Variants in ROBO2 observed in about 807,000 individuals in gnomAD.
ROBO2 encodes roundabout homolog 2.
A neutral mutation model predicts 160.8 loss-of-function variants in ROBO2; 53 were observed. The observed-to-expected ratio is 0.33, with a 90% CI of 0.26 to 0.41. ROBO2 has a LOEUF of 0.41. ROBO2 is among the 10% of genes least tolerant of loss of function. The pLI, the probability that ROBO2 is intolerant of heterozygous loss-of-function variation, is 1.00. For missense variants in ROBO2, 1,577 were observed against 1,722.4 expected, an observed-to-expected ratio of 0.92 and a Z score of 1.49; for synonymous variants, 664 against 611.7, an observed-to-expected ratio of 1.09 and a Z score of -1.26.
At chr3:76,478,025 A>ATTATTATTATTATTCTTC (rs1486257140) in intron 2 of ROBO2, among the ~76,000 whole-genome samples, 8 of 150,780 alleles carry the variant, frequency 5.3e-5, no homozygotes, top group African/African-American at 2.0e-4. Context: ...CTTCTTTATT[A>ATTATTATTATTATTCTTC]TTATTATTAT....
At chr3:77,423,515 T>A (rs572999279) in intron 2 of ROBO2, among the ~76,000 whole-genome samples, 2 of 152,348 alleles carry the variant, frequency 1.3e-5, no homozygotes, top group East Asian at 3.9e-4. Context: ...AATTGTATTA[T>A]AATTTTACAT....
intron 2 of ROBO2, among the ~76,000 whole-genome samples, chr3:76,893,209 C>CACACAT (rs904192743): frequency 2.4e-4 from 36 of 151,980 alleles, no homozygotes; most frequent in African/African-American, 6.5e-4. Context: ...CAGACACACA[C>CACACAT]ACACATACAC....
At chr3:77,093,166 A>G (rs938955825) in intron 1 of ROBO2, among the ~76,000 whole-genome samples, 4 of 152,172 alleles carry the variant, frequency 2.6e-5, no homozygotes, top group African/African-American at 9.7e-5. Context: ...TACCTGATGA[A>G]GAGAGGGGAA....
chr3:77,183,530 A>G (rs2080995557), intron 2 of ROBO2, among the ~76,000 whole-genome samples: 2 of 152,050 alleles, frequency 1.3e-5, no homozygotes. Context: ...GTAAGGTCAT[A>G]GGAATAAGAT....
At chr3:76,710,848 C>G (rs2093278351) in intron 2 of ROBO2, among the ~76,000 whole-genome samples, 1 of 152,128 alleles carries the variant, frequency 6.6e-6, no homozygotes, top group African/African-American at 2.4e-5. Flanking sequence ...CATCCTCAGA[C>G]AGGATGATGC....
At chr3:76,387,428 A>T (rs1299829622) in intron 2 of ROBO2, among the ~76,000 whole-genome samples, 1 of 151,944 alleles carries the variant, frequency 6.6e-6, no homozygotes, top group Non-Finnish European at 1.5e-5. Context: ...TATTAATAGA[A>T]ACTAGTATTT....
intron 2 of ROBO2, among the ~76,000 whole-genome samples, chr3:77,013,389 A>T (rs987579997): frequency 1.3e-5 from 2 of 152,146 alleles, no homozygotes; most frequent in Non-Finnish European, 2.9e-5. Context: ...TACAAAGAAG[A>T]ATGTGGTTGT....
Position 77,264,018 on chromosome 3 carries a change from C to T in ROBO2, c.388+165678C>T, listed in dbSNP as rs572764772. On this transcript the variant is annotated intron_variant, in intron 2 of 25. Coordinates refer to ENST00000461745, the Ensembl canonical transcript of ROBO2. ...GAAACTCAATAAAGGTTAGCTATCA[C>T]CTTCATCATCACATTCATCATATTC... is the stretch of plus-strand genomic sequence containing the variant. Among the ~76,000 whole-genome samples, 189 of 147,866 alleles carry T rather than the reference C, an allele frequency of 1.3e-3. 2 individuals carry two copies. In the Middle Eastern group the frequency reaches 0.018, roughly 14 times the overall value.
intron 2 of ROBO2, among the ~76,000 whole-genome samples, chr3:76,075,016 G>A (rs566680159): frequency 2.8e-4 from 43 of 152,092 alleles, no homozygotes; most frequent in Non-Finnish European, 4.9e-4. Context: ...GAATGAATAC[G>A]AACAGAAATG....
At chr3:76,476,747 C>T (rs1168118565) in intron 2 of ROBO2, among the ~76,000 whole-genome samples, 41 of 151,992 alleles carry the variant, frequency 2.7e-4, no homozygotes, top group Non-Finnish European at 8.8e-5. Context: ...AAATAAACTT[C>T]GGAAATGACC....
chr3:76,498,572 A>T (rs1383368331), intron 2 of ROBO2, among the ~76,000 whole-genome samples: 1 of 151,676 alleles, frequency 6.6e-6, no homozygotes, highest in East Asian at 1.9e-4. Flanking sequence ...GAAATACATA[A>T]TTTTTGTCAA....
intron 2 of ROBO2, among the ~76,000 whole-genome samples, chr3:77,451,735 C>T (rs1312046258): frequency 6.6e-6 from 1 of 150,704 alleles, no homozygotes; most frequent in Non-Finnish European, 1.5e-5. Context: ...GTGTGTGATT[C>T]TTTTCAATCA....
At chr3:76,212,793 G>A (rs899629356) in intron 2 of ROBO2, among the ~76,000 whole-genome samples, 1 of 151,706 alleles carries the variant, frequency 6.6e-6, no homozygotes, top group Middle Eastern at 3.4e-3. Context: ...ATTCCTTAAT[G>A]TCACATCTTA....
intron 2 of ROBO2, among the ~76,000 whole-genome samples, chr3:77,246,284 G>A (rs533806465): frequency 3.4e-4 from 52 of 151,886 alleles, no homozygotes; most frequent in African/African-American, 1.2e-3. Flanking sequence ...TGCGACAGGA[G>A]TGAGAATTGA....
intron 2 of ROBO2, among the ~76,000 whole-genome samples, chr3:76,154,413 A>G (rs1038191205): frequency 6.6e-6 from 1 of 152,162 alleles, no homozygotes; most frequent in African/African-American, 2.4e-5. Flanking sequence ...GAAAGATTAG[A>G]TAGAAAAGTT....
intron 4 of ROBO2, among the ~76,000 whole-genome samples, chr3:77,489,652 G>GTGAC (rs1039608366): frequency 4.6e-5 from 7 of 152,144 alleles, no homozygotes; most frequent in African/African-American, 1.7e-4. Flanking sequence ...TTGTGATTTT[G>GTGAC]TGACTGTTAG....
intron 14 of ROBO2, among the ~76,000 whole-genome samples, chr3:77,576,797 A>G (rs750567561): frequency 6.6e-6 from 1 of 152,102 alleles, no homozygotes; most frequent in African/African-American, 2.4e-5. Context: ...TAAGTTTTCA[A>G]TCTTAACTTG....
At chr3:77,457,247 G>A (rs928576152) in intron 2 of ROBO2, among the ~76,000 whole-genome samples, 1 of 152,118 alleles carries the variant, frequency 6.6e-6, no homozygotes, top group Admixed American at 6.5e-5. Context: ...GTGATTTTGG[G>A]TTGTCAAGAA....
At chr3:77,241,985 G>A (rs1200910835) in intron 2 of ROBO2, among the ~76,000 whole-genome samples, 1 of 152,100 alleles carries the variant, frequency 6.6e-6, no homozygotes, top group Non-Finnish European at 1.5e-5. Flanking sequence ...CCCAAATTGT[G>A]AAAAACTTTG....
Sources: allele counts gnomAD v4.1 joint callset (sites outside exome capture counted in the v4.1 genomes callset), GRCh38; gene constraint gnomAD v4.1.1; transcripts MANE v1.5; gene names NCBI Gene and HGNC (gene_info 2026-07-23, HGNC 2026-07-21).